CNTN5: variants seen among roughly 807,000 people sequenced by gnomAD.
CNTN5 encodes the protein contactin 5.
A neutral mutation model predicts 129.1 loss-of-function variants in CNTN5; 77 were observed. The ratio of observed to expected loss-of-function variants is 0.60; its 90% CI spans 0.50 to 0.72. CNTN5 has a LOEUF of 0.72. CNTN5 is among the 30% of genes least tolerant of loss of function. The probability of loss-of-function intolerance (pLI) is 0.00; values close to 1 mark genes in which losing one functional copy is unlikely to be tolerated. For synonymous variants in CNTN5, 509 were observed against 465.6 expected (o/e 1.09, Z -1.20); for missense variants, 1,478 against 1,328.8 (o/e 1.11, Z -1.75).
At chr11:99,928,351 T>A (rs1565686602) in intron 7 of CNTN5, among the ~76,000 whole-genome samples, 1 of 152,202 alleles carries the variant, frequency 6.6e-6, no homozygotes, top group African/African-American at 2.4e-5. Flanking sequence ...GTGGGGACTC[T>A]GTGTGGGGGC....
At chr11:100,293,072 G>A (rs887564311) in intron 18 of CNTN5, among the ~76,000 whole-genome samples, 2 of 151,836 alleles carry the variant, frequency 1.3e-5, no homozygotes, top group African/African-American at 4.8e-5. Flanking sequence ...TTATCTGGGG[G>A]TATGTGAATA....
chr11:99,953,731 C>A (rs950811428), intron 7 of CNTN5, among the ~76,000 whole-genome samples: 1 of 152,170 alleles, frequency 6.6e-6, no homozygotes, highest in Non-Finnish European at 1.5e-5. Flanking sequence ...GATGGAATGA[C>A]CTGCTGGTTC....
intron 6 of CNTN5, among the ~76,000 whole-genome samples, chr11:99,909,656 T>C (rs1448704152): frequency 2.0e-5 from 3 of 152,118 alleles, no homozygotes; most frequent in Non-Finnish European, 4.4e-5. Context: ...TTCATGTCCT[T>C]TGTAAGGACA....
At position 99,819,745 on chromosome 11, in the gene CNTN5, C is replaced by T. The variant is rs1279173094; in HGVS notation, c.257C>T (p.Ser86Leu). 5.7e-6 allele frequency: 9 copies of T among 1,582,244 alleles called. No homozygotes were observed. The highest frequency in any genetic ancestry group is 1.8e-5 in the Admixed American group (1 of 54,320). The stretch of plus-strand genomic sequence containing the variant: ...TCCCCCATCAATCTTTATCATTCCT[C>T]AGATGCCTTCAAACAAGATGGTAAG... ...YYSPINLYHS[S>L]DAFKQDESVD... The change falls in exon 4 of 25, where the codon TCA becomes TTA. Residue 86 changes from serine (S) to leucine (L), a missense_variant. Physicochemically the swap from Ser to Leu is moderately radical, Grantham distance 145. Coordinates refer to ENST00000524871, the MANE Select transcript of CNTN5 (RefSeq NM_014361.4).
intron 2 of CNTN5, among the ~76,000 whole-genome samples, chr11:99,493,999 T>C (rs1356633807): frequency 6.6e-6 from 1 of 152,212 alleles, no homozygotes; most frequent in Admixed American, 6.5e-5. Context: ...ATTTTATTAA[T>C]CTTCTGTTAA....
intron 13 of CNTN5, among the ~76,000 whole-genome samples, chr11:100,156,706 G>A (rs1382214521): frequency 6.6e-6 from 1 of 151,914 alleles, no homozygotes; most frequent in Non-Finnish European, 1.5e-5. Context: ...ACTTCTTCCT[G>A]GTTTAGTCTT....
At chr11:99,787,991 T>C (rs1224170269) in intron 3 of CNTN5, among the ~76,000 whole-genome samples, 1 of 151,942 alleles carries the variant, frequency 6.6e-6, no homozygotes, top group Admixed American at 6.6e-5. Flanking sequence ...GTGTAAATCA[T>C]ACAGCATTTA....
At chr11:99,078,127 ATAT>A (rs1865650900) in intron 1 of CNTN5, among the ~76,000 whole-genome samples, 3 of 152,302 alleles carry the variant, frequency 2.0e-5, no homozygotes, top group Admixed American at 2.0e-4. Flanking sequence ...ACAAAAATTG[ATAT>A]TAATGTCATT....
intron 4 of CNTN5, among the ~76,000 whole-genome samples, chr11:99,820,433 GA>G (rs1233098781): frequency 6.6e-6 from 1 of 152,290 alleles, no homozygotes; most frequent in Non-Finnish European, 1.5e-5. Flanking sequence ...TGGAAAATAA[GA>G]AAAAATCTAT....
intron 15 of CNTN5, among the ~76,000 whole-genome samples, chr11:100,205,561 T>C (rs559639826): frequency 5.6e-4 from 85 of 152,216 alleles, no homozygotes; most frequent in African/African-American, 1.9e-3. Context: ...TAATGAATAA[T>C]TGAAGCCTCT....
At chr11:99,347,450 T>C (rs191992781) in intron 2 of CNTN5, among the ~76,000 whole-genome samples, 3 of 152,260 alleles carry the variant, frequency 2.0e-5, no homozygotes, top group East Asian at 1.9e-4. Context: ...ATAAACTATA[T>C]AGAGAAAAAC....
intron 9 of CNTN5, among the ~76,000 whole-genome samples, chr11:100,011,427 C>T (rs1940526395): frequency 6.6e-6 from 1 of 152,122 alleles, no homozygotes; most frequent in Admixed American, 6.6e-5. Flanking sequence ...GTGTTACAGG[C>T]AGATTTTCTC....
chr11:100,232,443 GC>G (rs1224467312), intron 16 of CNTN5, among the ~76,000 whole-genome samples: 1 of 152,180 alleles, frequency 6.6e-6, no homozygotes, highest in African/African-American at 2.4e-5. Context: ...GTAAATGATG[GC>G]CTTGGCAAGG....
chr11:100,053,316 G>T (rs148465352), intron 9 of CNTN5, among the ~76,000 whole-genome samples: 2 of 151,592 alleles, frequency 1.3e-5, no homozygotes, highest in Non-Finnish European at 3.0e-5. Flanking sequence ...GGCAAGCTCA[G>T]ATTGGAAGAA....
intron 7 of CNTN5, among the ~76,000 whole-genome samples, chr11:99,948,744 G>A (rs1397941243): frequency 2.6e-5 from 4 of 152,136 alleles, no homozygotes; most frequent in Admixed American, 6.6e-5. Flanking sequence ...CACACTGCCT[G>A]GCACATTCTA....
At chr11:99,291,597 A>G (rs558719446) in intron 1 of CNTN5, among the ~76,000 whole-genome samples, 69 of 152,164 alleles carry the variant, frequency 4.5e-4, no homozygotes, top group African/African-American at 1.5e-3. Flanking sequence ...CATTAAAATA[A>G]AAGTGTACGA....
At chr11:99,948,814 T>G (rs945710915) in intron 7 of CNTN5, among the ~76,000 whole-genome samples, 1 of 152,330 alleles carries the variant, frequency 6.6e-6, no homozygotes, top group African/African-American at 2.4e-5. Flanking sequence ...ACCCGATGCG[T>G]GCGCACATCC....
intron 3 of CNTN5, among the ~76,000 whole-genome samples, chr11:99,657,344 G>T (rs1416274980): frequency 3.3e-5 from 5 of 151,836 alleles, no homozygotes; most frequent in Admixed American, 6.6e-5. Context: ...CATCTATTTT[G>T]GGAATTTGGG....
intron 7 of CNTN5, among the ~76,000 whole-genome samples, chr11:99,919,788 G>T (rs1485687186): frequency 1.3e-5 from 2 of 148,618 alleles, no homozygotes; most frequent in African/African-American, 5.0e-5. Context: ...CTATAGTTTT[G>T]ACTTTTCTAG....
Sources: allele counts gnomAD v4.1 joint callset (sites outside exome capture counted in the v4.1 genomes callset), GRCh38; gene constraint gnomAD v4.1.1; transcripts MANE v1.5; gene names NCBI Gene and HGNC (gene_info 2026-07-23, HGNC 2026-07-21).